The following DGCR2 variants were observed in gnomAD, a reference collection of about 807,000 sequenced individuals.
The protein encoded by DGCR2 is integral membrane protein DGCR2/IDD.
In DGCR2, 24 loss-of-function variants were observed where a neutral mutation model predicts 51.6. The observed-to-expected ratio is 0.47, with a 90% CI of 0.34 to 0.65. The LOEUF (loss-of-function observed/expected upper bound fraction) is 0.65. DGCR2 is among the 30% of genes least tolerant of loss of function. DGCR2 has a pLI of 0.01. For missense variants in DGCR2, 765 were observed against 772.1 expected (o/e 0.99, Z 0.11); for synonymous variants, 340 against 315.4 (o/e 1.08, Z -0.82).
intron 6 of DGCR2, among the ~76,000 whole-genome samples, chr22:19,050,016 A>C (rs2854648): frequency 6.6e-6 from 1 of 152,192 alleles, no homozygotes; most frequent in Non-Finnish European, 1.5e-5. Flanking sequence ...AAACAGGAGT[A>C]ACAAATGGAG....
chr22:19,048,962 T>A (rs1387643884), intron 6 of DGCR2, among the ~76,000 whole-genome samples: 2 of 152,224 alleles, frequency 1.3e-5, no homozygotes, highest in Non-Finnish European at 2.9e-5. Context: ...GCTGAGAGTC[T>A]TCCCAGGGCT....
intron 1 of DGCR2, among the ~76,000 whole-genome samples, chr22:19,105,994 G>C (rs569883092): frequency 4.0e-5 from 6 of 151,802 alleles, no homozygotes; most frequent in Admixed American, 3.9e-4. Flanking sequence ...CCACTGCCCC[G>C]TAGCACCAGC....
chr22:19,061,043 C>A, intron 5 of DGCR2: 1 of 248,792 alleles, frequency 4.0e-6, no homozygotes, highest in Non-Finnish European at 8.3e-6. Flanking sequence ...GCCCTTCCAC[C>A]ATCATTAGCT....
rs938568669 is a variant in DGCR2, at chr22:19,038,101, C to G, written c.*764G>C. Reference sequence around the variant, plus strand: ...CCTCGGCCCCACTCCAGAGCTTCTTCCTGAGGGAGCCATGCACAGCAATGC... The same window carrying G: ...CCTCGGCCCCACTCCAGAGCTTCTTGCTGAGGGAGCCATGCACAGCAATGC... On this transcript the variant is annotated 3_prime_UTR_variant, in exon 10 of 10. Transcript: ENST00000263196. 6.6e-6 allele frequency: 1 copy of G among 152,508 alleles called. No individual in the cohort carries two copies. The highest frequency in any genetic ancestry group is 6.5e-5 in the Admixed American group (1 of 15,290). 9.4% of individuals were successfully genotyped at this position (152,508 alleles called of 1,614,324 possible).
intron 1 of DGCR2, among the ~76,000 whole-genome samples, chr22:19,104,223 C>T (rs2083237725): frequency 6.6e-6 from 1 of 152,122 alleles, no homozygotes; most frequent in African/African-American, 2.4e-5. Flanking sequence ...CAGGGAACCC[C>T]CAGAGACCCC....
At chr22:19,116,714 T>TA (rs1228298971) in intron 1 of DGCR2, among the ~76,000 whole-genome samples, 3 of 152,146 alleles carry the variant, frequency 2.0e-5, no homozygotes, top group Non-Finnish European at 4.4e-5. Context: ...GCATTCCACT[T>TA]AGAGTCAAGA....
At chr22:19,097,725 C>A (rs547966307) in intron 1 of DGCR2, among the ~76,000 whole-genome samples, 1 of 152,202 alleles carries the variant, frequency 6.6e-6, no homozygotes, top group Non-Finnish European at 1.5e-5. Context: ...CCCAAACAGC[C>A]TTCCTCTTTG....
chr22:19,065,230 A>C, intron 3 of DGCR2, 163 bp from the exon 4 acceptor site: 1 of 615,744 alleles, frequency 1.6e-6, no homozygotes, highest in Non-Finnish European at 2.9e-6. Context: ...ACATTGCAGA[A>C]ATGCTCAAGT....
chr22:19,108,469 T>G (rs2083281210), intron 1 of DGCR2, among the ~76,000 whole-genome samples: 1 of 148,132 alleles, frequency 6.8e-6, no homozygotes, highest in Non-Finnish European at 1.5e-5. Context: ...AGCTACTCGG[T>G]GAGGGTGAGG....
Position 19,111,015 on chromosome 22 carries a change from T to C in DGCR2, c.79+11113A>G, listed in dbSNP as rs147075887. Among the ~76,000 whole-genome samples, 8 of 152,298 alleles carry C rather than the reference T, an allele frequency of 5.3e-5. No individual in the cohort carries two copies. In the East Asian group the frequency reaches 1.4e-3, roughly 26 times the overall value. The stretch of plus-strand genomic sequence containing the variant: ...TATGTTTTATATTCAGTTATACACA[T>C]TTTTTTCCTTTTAAAATACCTTTTC... On this transcript the variant is annotated intron_variant, in intron 1 of 9. Transcript: ENST00000263196.
At chr22:19,103,483 TGCAGTG>T (rs1004964126) in intron 1 of DGCR2, among the ~76,000 whole-genome samples, 2 of 126,778 alleles carry the variant, frequency 1.6e-5, no homozygotes, top group Admixed American at 9.8e-5. Context: ...CAGGCTGGAG[TGCAGTG>T]GCAAGATCTC....
chr22:19,095,023 G>A (rs1163690458), intron 1 of DGCR2, among the ~76,000 whole-genome samples: 1 of 152,152 alleles, frequency 6.6e-6, no homozygotes, highest in Admixed American at 6.5e-5. Context: ...CGCTGTGTTT[G>A]TTATCTTGAC....
intron 1 of DGCR2, among the ~76,000 whole-genome samples, chr22:19,110,242 C>G (rs189562462): frequency 1.7e-3 from 255 of 152,270 alleles, no homozygotes; most frequent in Admixed American, 4.3e-3. Flanking sequence ...GATGAGGGTG[C>G]CTGATGCTCA....
intron 1 of DGCR2, among the ~76,000 whole-genome samples, chr22:19,114,569 G>A (rs1466793646): frequency 6.6e-6 from 1 of 152,186 alleles, no homozygotes; most frequent in Non-Finnish European, 1.5e-5. Flanking sequence ...AATCTACCTG[G>A]AGGCCCTAAG....
chr22:19,075,307 C>T lies in DGCR2; in HGVS notation c.203-7082G>A, dbSNP rs943574167. 3.6e-4 allele frequency among the ~76,000 whole-genome samples: 55 copies of T among 151,954 alleles called. 1 individual carries two copies. Among genetic ancestry groups the T allele is most frequent in the Admixed American group, 2.0e-4 (3 of 15,262 alleles). Reference sequence around the variant, plus strand: ...TCGGGCATGGTGAAAATTAGCCGGGCGTGGTGGTGGACGCCTGTAGTCCCA... The same window carrying T: ...TCGGGCATGGTGAAAATTAGCCGGGTGTGGTGGTGGACGCCTGTAGTCCCA... On this transcript the variant is annotated intron_variant, in intron 2 of 9. Transcript: ENST00000263196.
intron 2 of DGCR2, among the ~76,000 whole-genome samples, chr22:19,082,051 TG>T (rs201449266): frequency 0.13 from 18,915 of 142,412 alleles, 1,758 homozygotes; most frequent in South Asian, 0.27. Flanking sequence ...TGGTGTTTTT[TG>T]GGGTTTTTTT....
intron 2 of DGCR2, among the ~76,000 whole-genome samples, chr22:19,075,047 C>T (rs1601238317): frequency 1.3e-5 from 2 of 150,722 alleles, no homozygotes; most frequent in East Asian, 3.9e-4. Flanking sequence ...TTGCTAATTC[C>T]CTCCTCCCCC....
intron 2 of DGCR2, among the ~76,000 whole-genome samples, chr22:19,077,080 T>C (rs1056646798): frequency 2.0e-5 from 3 of 152,232 alleles, no homozygotes; most frequent in Non-Finnish European, 4.4e-5. Context: ...GAATTCTTTT[T>C]ATATTTTAAA....
Position 19,068,124 on chromosome 22 carries a change from C to T in DGCR2, c.304G>A (p.Val102Met), listed in dbSNP as rs143951152. 1,074 of 1,602,616 alleles carry T rather than the reference C, an allele frequency of 6.7e-4. 1 individual carries two copies. Among genetic ancestry groups the T allele is most frequent in the Non-Finnish European group, 8.6e-4 (1,011 of 1,175,756 alleles). Residue 102 changes from valine to methionine, a missense_variant, in exon 3 of 10, where the codon GTG (valine) becomes ATG (methionine). Physicochemically the swap from Val to Met is conservative, Grantham distance 21. Around this residue, in one of 3 missense-constraint regions of DGCR2, gnomAD observed 370 missense variants for 325.5 expected, o/e 1.14. Transcript: ENST00000263196. ...CTGCTGAAGCGAACGGGCTGCGCCA[C>T]GTTCACCGCGTGGAAGTGCGAAGGG... ...GDPSHFHAVN[V>M]AQPVRFSSFL...
Sources: allele counts gnomAD v4.1 joint callset (sites outside exome capture counted in the v4.1 genomes callset), GRCh38; gene constraint gnomAD v4.1.1; regional missense constraint gnomAD v4.1.1; transcripts MANE v1.5; gene names NCBI Gene and HGNC (gene_info 2026-07-23, HGNC 2026-07-21).